The following KCNK2 variants were observed in gnomAD, a reference collection of about 807,000 sequenced individuals.
The protein encoded by KCNK2 is potassium two pore domain channel subfamily K member 2.
Under a neutral mutation model 40.5 loss-of-function variants are expected in KCNK2, and 21 were observed. The ratio of observed to expected loss-of-function variants is 0.52; its 90% CI spans 0.37 to 0.75. The LOEUF is 0.75. Ranked by LOEUF, KCNK2 falls within the 30% of genes least tolerant of loss-of-function variation. The pLI is 0.00. For missense variants in KCNK2, 399 were observed against 531.6 expected (o/e 0.75, Z 2.45); for synonymous variants, 191 against 202.2 (o/e 0.94, Z 0.47).
chr1:215,116,965 C>A (rs996408839), intron 2 of KCNK2, among the ~76,000 whole-genome samples: 2 of 151,784 alleles, frequency 1.3e-5, no homozygotes, highest in Admixed American at 1.3e-4. Flanking sequence ...TTCTTTTCTC[C>A]ACATGAAATC....
At chr1:215,220,890 C>G (rs1360591484) in intron 6 of KCNK2, among the ~76,000 whole-genome samples, 1 of 152,134 alleles carries the variant, frequency 6.6e-6, no homozygotes, top group African/African-American at 2.4e-5. Flanking sequence ...AGAACTTGAA[C>G]AACAAACAGA....
Position 215,044,826 on chromosome 1 carries a change from T to TGTGTGTGCGC in KCNK2, c.34+38872_34+38873insTGTGTGCGCG, listed in dbSNP as rs142895602. ...GTGTGTGTGTGTGTGTGTGTGTGTG[T>TGTGTGTGCGC]GCGCGCGCACACGTGTGTTGATGAC... is the stretch of plus-strand genomic sequence containing the variant. On this transcript the variant is annotated intron_variant, in intron 1 of 6. Coordinates refer to the KCNK2 transcript ENST00000391895. Among the ~76,000 whole-genome samples, 439 of 140,646 alleles carry TGTGTGTGCGC rather than the reference T, an allele frequency of 3.1e-3. 2 individuals carry two copies. The highest frequency in any genetic ancestry group is 0.019 in the Middle Eastern group (5 of 268). 92.3% of individuals were successfully genotyped at this position (140,646 alleles called of 152,430 possible).
At chr1:215,034,878 A>G (rs1657331973) in intron 1 of KCNK2, among the ~76,000 whole-genome samples, 1 of 152,122 alleles carries the variant, frequency 6.6e-6, no homozygotes, top group South Asian at 2.1e-4. Context: ...AATATTTTAA[A>G]ATATACATGC....
intron 5 of KCNK2, among the ~76,000 whole-genome samples, chr1:215,177,740 A>ATT (rs375712483): frequency 0.017 from 1,745 of 101,552 alleles, 63 homozygotes; most frequent in African/African-American, 0.056. Flanking sequence ...ATATATATAT[A>ATT]TTTTTTTTTT....
At chr1:215,234,747 TA>T in intron 6 of KCNK2, 80 bp from the exon 7 acceptor site, 1 of 1,333,086 alleles carries the variant, frequency 7.5e-7, no homozygotes, top group Non-Finnish European at 1.0e-6. Flanking sequence ...AATCCCAAAA[TA>T]AAATGAACTG....
At chr1:215,145,326 C>T (rs995670869) in intron 3 of KCNK2, among the ~76,000 whole-genome samples, 3 of 152,092 alleles carry the variant, frequency 2.0e-5, no homozygotes, top group African/African-American at 7.2e-5. Flanking sequence ...AGGCACATAG[C>T]AGTGTGTAAC....
chr1:215,072,430 C>G (rs1045976363), intron 1 of KCNK2, among the ~76,000 whole-genome samples: 1 of 152,222 alleles, frequency 6.6e-6, no homozygotes, highest in Non-Finnish European at 1.5e-5. Flanking sequence ...CCTGCAAACA[C>G]ATTTTATTTG....
intron 5 of KCNK2, among the ~76,000 whole-genome samples, chr1:215,182,677 C>G (rs1022957277): frequency 9.2e-5 from 14 of 152,182 alleles, no homozygotes; most frequent in Non-Finnish European, 2.9e-5. Flanking sequence ...GCTCCTACCC[C>G]ACTCGAGAGC....
At chr1:215,005,755 A>C (rs886125397), upstream of KCNK2, 2 of 606,016 alleles carry the variant, frequency 3.3e-6, no homozygotes, top group Non-Finnish European at 5.9e-6. Context: ...GTTTTTGTAC[A>C]GGAAACTGAT....
rs990352120 is a variant in KCNK2 at position 215,108,748 on chromosome 1, T to C, written c.358-15885T>C. On this transcript the variant is annotated intron_variant, in intron 2 of 6. Coordinates refer to ENST00000444842, the MANE Select transcript of KCNK2 (RefSeq NM_001017425.3). ...CAGCTCAAACAGTCACTAACAGAGG[T>C]CTGGTTGTTTAAATTATAGTAAACA... 2.0e-5 allele frequency among the ~76,000 whole-genome samples: 3 copies of C among 148,748 alleles called. No individual in the cohort carries two copies. The Admixed American group carries it at 2.0e-4, about 10-fold the overall frequency.
At chr1:215,204,178 C>T (rs1204197212) in intron 6 of KCNK2, among the ~76,000 whole-genome samples, 2 of 149,198 alleles carry the variant, frequency 1.3e-5, no homozygotes, top group Non-Finnish European at 3.0e-5. Context: ...TGAGGTAGAC[C>T]CTGTCTGGAT....
In KCNK2 at chr1:215,223,241, T is replaced by TAAAAAAAAAAAAAAAAA. The variant is rs56890763; in HGVS notation, c.964-11582_964-11566dup. On this transcript the variant is annotated intron_variant, in intron 6 of 6. Coordinates refer to ENST00000444842, the MANE Select transcript of KCNK2 (RefSeq NM_001017425.3). ...TATCTGTACAGAATAAGCTCTTTTCTAAAAAAAAAAAAAAAAAAAAAGTCA... is the reference window on the plus strand; with the variant it reads ...TATCTGTACAGAATAAGCTCTTTTCTAAAAAAAAAAAAAAAAAAAAAAAAAAAAAAAAAAAAAAGTCA... Among the ~76,000 whole-genome samples, 11 of 112,054 alleles carry TAAAAAAAAAAAAAAAAA rather than the reference T, an allele frequency of 9.8e-5. 1 individual carries two copies. Among genetic ancestry groups the TAAAAAAAAAAAAAAAAA allele is most frequent in the African/African-American group, 3.0e-4 (9 of 29,608 alleles). The allele number at this position is 112,054 out of a possible 152,430, so 73.5% of individuals were successfully genotyped here.
intron 6 of KCNK2, among the ~76,000 whole-genome samples, chr1:215,203,350 T>C (rs1381975414): frequency 6.6e-6 from 1 of 152,186 alleles, no homozygotes; most frequent in Non-Finnish European, 1.5e-5. Flanking sequence ...TTTGAATCCC[T>C]ATTTCTTTTT....
intron 6 of KCNK2, among the ~76,000 whole-genome samples, chr1:215,203,230 T>C (rs1571723671): frequency 2.0e-5 from 3 of 152,302 alleles, no homozygotes; most frequent in Admixed American, 2.0e-4. Context: ...AAAGAAATGA[T>C]TTGTATGATT....
intron 6 of KCNK2, among the ~76,000 whole-genome samples, chr1:215,219,121 A>G (rs1164585273): frequency 6.6e-6 from 1 of 152,232 alleles, no homozygotes; most frequent in Non-Finnish European, 1.5e-5. Context: ...ACTCACAGAG[A>G]CACATAGATC....
At chr1:215,141,751 C>A (rs11120506) in intron 3 of KCNK2, among the ~76,000 whole-genome samples, 83,775 of 151,806 alleles carry the variant, frequency 0.55, 25,660 homozygotes, top group Non-Finnish European at 0.68. Flanking sequence ...TTGATATTAA[C>A]CTGAATTTCT....
intron 3 of KCNK2, among the ~76,000 whole-genome samples, chr1:215,148,936 T>G (rs1225007506): frequency 6.6e-6 from 1 of 152,128 alleles, no homozygotes; most frequent in African/African-American, 2.4e-5. Context: ...GTTCAGCTTA[T>G]TTTTTTCAGC....
chr1:215,209,342 T>TATATATATTATATATA, intron 6 of KCNK2, among the ~76,000 whole-genome samples: 1 of 89,518 alleles, frequency 1.1e-5, no homozygotes, highest in South Asian at 3.0e-4. Flanking sequence ...ATATATATAA[T>TATATATATTATATATA]ATATATATTA....
At chr1:215,130,721 T>G (rs74140929) in intron 3 of KCNK2, among the ~76,000 whole-genome samples, 2,283 of 152,174 alleles carry the variant, frequency 0.015, 59 homozygotes, top group African/African-American at 0.052. Context: ...TGACTTGAAC[T>G]AAGGAGGTAG....
Sources: allele counts gnomAD v4.1 joint callset (sites outside exome capture counted in the v4.1 genomes callset), GRCh38; gene constraint gnomAD v4.1.1; transcripts MANE v1.5; gene names NCBI Gene and HGNC (gene_info 2026-07-23, HGNC 2026-07-21).